Variants in TSPAN9 observed in about 807,000 individuals in gnomAD.
TSPAN9 encodes the protein tetraspanin-9.
A neutral mutation model predicts 31.0 loss-of-function variants in TSPAN9; 16 were observed. The ratio of observed to expected loss-of-function variants is 0.52; its 90% confidence interval spans 0.35 to 0.78. The LOEUF (loss-of-function observed/expected upper bound fraction) is 0.78. Among genes scored for constraint, TSPAN9 ranks in the 30% least tolerant of loss-of-function variants. The pLI is 0.01. For missense variants in TSPAN9, 272 were observed against 312.5 expected, an observed-to-expected ratio of 0.87 and a Z score of 0.98; for synonymous variants, 145 against 121.6, an observed-to-expected ratio of 1.19 and a Z score of -1.27.
chr12:3,276,361 G>A (rs1862786598), intron 3 of TSPAN9, among the ~76,000 whole-genome samples: 4 of 152,154 alleles, frequency 2.6e-5, no homozygotes, highest in African/African-American at 7.2e-5. Flanking sequence ...CTTTACCTGC[G>A]AGGTCCCAGC....
intron 3 of TSPAN9, among the ~76,000 whole-genome samples, chr12:3,214,052 C>T (rs974931628): frequency 2.0e-5 from 3 of 152,204 alleles, no homozygotes; most frequent in South Asian, 2.1e-4. Context: ...TTCTAGTCCC[C>T]GGCATGCTTG....
chr12:3,203,692 C>T (rs1376946785), intron 3 of TSPAN9, among the ~76,000 whole-genome samples: 1 of 152,182 alleles, frequency 6.6e-6, no homozygotes, highest in Non-Finnish European at 1.5e-5. Flanking sequence ...TCTCCAAGAC[C>T]CACTTCTTGT....
chr12:3,256,527 C>G (rs1862348124), intron 3 of TSPAN9, among the ~76,000 whole-genome samples: 1 of 152,216 alleles, frequency 6.6e-6, no homozygotes, highest in Non-Finnish European at 1.5e-5. Flanking sequence ...CGAGAGCTGC[C>G]TCTAGCGTAA....
chr12:3,134,468 A>G (rs1433260610), intron 2 of TSPAN9, among the ~76,000 whole-genome samples: 1 of 152,166 alleles, frequency 6.6e-6, no homozygotes, highest in Non-Finnish European at 1.5e-5. Flanking sequence ...CAGTTAGGGG[A>G]TGGTCAAGGC....
At chr12:3,177,712 T>C (rs1320428009) in intron 2 of TSPAN9, among the ~76,000 whole-genome samples, 1 of 152,180 alleles carries the variant, frequency 6.6e-6, no homozygotes, top group Non-Finnish European at 1.5e-5. Context: ...GGATTACAGG[T>C]GTGAGCAACC....
chr12:3,113,163 C>A (rs1302499452), intron 2 of TSPAN9, among the ~76,000 whole-genome samples: 1 of 152,116 alleles, frequency 6.6e-6, no homozygotes, highest in African/African-American at 2.4e-5. Context: ...AATGTAAGAG[C>A]CCATCAAGGG....
chr12:3,190,167 C>T (rs2098363578), intron 2 of TSPAN9, among the ~76,000 whole-genome samples: 1 of 152,210 alleles, frequency 6.6e-6, no homozygotes, highest in Non-Finnish European at 1.5e-5. Flanking sequence ...CAGGCAGCAG[C>T]TCCTGAAATC....
chr12:3,237,122 G>C (rs2098394183), intron 3 of TSPAN9, among the ~76,000 whole-genome samples: 1 of 152,298 alleles, frequency 6.6e-6, no homozygotes, highest in African/African-American at 2.4e-5. Context: ...AATGTGTCCA[G>C]GAGAGAGGAG....
chr12:3,159,789 G>A (rs947778974), intron 2 of TSPAN9, among the ~76,000 whole-genome samples: 5 of 152,132 alleles, frequency 3.3e-5, no homozygotes, highest in African/African-American at 9.7e-5. Context: ...GGGAGAAGAC[G>A]GCTATCTACA....
chr12:3,262,975 A>G lies in TSPAN9; in HGVS notation c.64-15446A>G, dbSNP rs183346979. On this transcript the variant is annotated intron_variant, in intron 3 of 8. Transcript: ENST00000011898. ...GGGCCTTTGACCATGATGTCGTCTC[A>G]CAAGGGGGCGAGCAGTAAATGGCAG... is the stretch of plus-strand genomic sequence containing the variant. 6.3e-3 allele frequency among the ~76,000 whole-genome samples: 952 copies of G among 152,234 alleles called. 10 individuals are homozygous for G. Among genetic ancestry groups the G allele is most frequent in the African/African-American group, 0.022 (899 of 41,532 alleles).
intron 3 of TSPAN9, among the ~76,000 whole-genome samples, chr12:3,214,395 C>T (rs2098380291): frequency 6.6e-6 from 1 of 152,224 alleles, no homozygotes; most frequent in African/African-American, 2.4e-5. Flanking sequence ...CTGGACAAAG[C>T]TGCCCTAGAT....
chr12:3,220,622 T>C (rs890111479), intron 3 of TSPAN9, among the ~76,000 whole-genome samples: 1 of 152,228 alleles, frequency 6.6e-6, no homozygotes, highest in African/African-American at 2.4e-5. Context: ...GTTGATATGT[T>C]TTCCTGGGAC....
At chr12:3,269,670 A>G (rs192062484) in intron 3 of TSPAN9, among the ~76,000 whole-genome samples, 1 of 152,372 alleles carries the variant, frequency 6.6e-6, no homozygotes, top group Non-Finnish European at 1.5e-5. Flanking sequence ...GGTCTGCAGC[A>G]GAGGCTTGCA....
chr12:3,226,740 GTGTGTATA>G (rs2098387662), intron 3 of TSPAN9, among the ~76,000 whole-genome samples: 2 of 13,152 alleles, frequency 1.5e-4, no homozygotes, highest in East Asian at 1.6e-3. Context: ...GTGTGTGTGT[GTGTGTATA>G]TATATATATA....
chr12:3,270,179 C>T (rs745590344), intron 3 of TSPAN9, among the ~76,000 whole-genome samples: 2 of 152,134 alleles, frequency 1.3e-5, no homozygotes, highest in Non-Finnish European at 2.9e-5. Context: ...GGAAGAAGGC[C>T]TGTGGGTCAG....
intron 3 of TSPAN9, among the ~76,000 whole-genome samples, chr12:3,229,997 C>T (rs919150148): frequency 3.9e-5 from 6 of 152,230 alleles, no homozygotes; most frequent in African/African-American, 1.4e-4. Flanking sequence ...CATCAAGAGA[C>T]AAGAGCACAA....
intron 2 of TSPAN9, among the ~76,000 whole-genome samples, chr12:3,144,920 C>T (rs1208337826): frequency 6.6e-6 from 1 of 152,224 alleles, no homozygotes; most frequent in African/African-American, 2.4e-5. Context: ...TTCCCTATTC[C>T]CCCAGACCTT....
chr12:3,119,447 C>T (rs2098324076), intron 2 of TSPAN9, among the ~76,000 whole-genome samples: 1 of 152,196 alleles, frequency 6.6e-6, no homozygotes, highest in Admixed American at 6.5e-5. Context: ...CTTCGCCAGG[C>T]CTGCTGGGAC....
chr12:3,166,828 G>A (rs1364315197), intron 2 of TSPAN9, among the ~76,000 whole-genome samples: 2 of 152,008 alleles, frequency 1.3e-5, no homozygotes, highest in Non-Finnish European at 2.9e-5. Flanking sequence ...ATGGAGTCTC[G>A]CTCTGTCACC....
Sources: allele counts gnomAD v4.1 joint callset (sites outside exome capture counted in the v4.1 genomes callset), GRCh38; gene constraint gnomAD v4.1.1; transcripts MANE v1.5; gene names NCBI Gene and HGNC (gene_info 2026-07-23, HGNC 2026-07-21).